Variants in NSMAF observed in about 807,000 individuals in gnomAD.
The protein encoded by NSMAF is protein FAN.
Under a neutral mutation model 134.9 loss-of-function variants are expected in NSMAF, and 90 were observed. That is an observed-to-expected ratio of 0.67 (90% confidence interval 0.56 to 0.79). The LOEUF (loss-of-function observed/expected upper bound fraction) is 0.79, where lower values mean the gene tolerates loss of function less well. Ranked by LOEUF, NSMAF falls within the 30% of genes least tolerant of loss-of-function variation. The pLI, the probability that NSMAF is intolerant of heterozygous loss-of-function variation, is 0.00. For synonymous variants in NSMAF, 358 were observed against 389.6 expected (o/e 0.92, Z 0.96); for missense variants, 1,010 against 1,119.0 (o/e 0.90, Z 1.39).
intron 26 of NSMAF, among the ~76,000 whole-genome samples, chr8:58,588,110 A>G (rs945712431): frequency 2.6e-5 from 4 of 152,224 alleles, no homozygotes; most frequent in African/African-American, 9.6e-5. Context: ...AAATTCTGAA[A>G]AACTCCTGGA....
At chr8:58,649,098 CA>C (rs1807525481) in intron 1 of NSMAF, among the ~76,000 whole-genome samples, 1 of 152,196 alleles carries the variant, frequency 6.6e-6, no homozygotes. Flanking sequence ...CCTTCAAAGC[CA>C]CAGAGGCAGA....
intron 30 of NSMAF, 80 bp downstream of exon 30, chr8:58,585,572 G>T: frequency 1.9e-6 from 2 of 1,056,894 alleles, no homozygotes; most frequent in Non-Finnish European, 2.9e-6. Context: ...CCCAAAAAGA[G>T]TATGTTCCCT....
At chr8:58,635,090 T>C in intron 5 of NSMAF, 99 bp downstream of exon 5, 1 of 895,650 alleles carries the variant, frequency 1.1e-6, no homozygotes, top group Non-Finnish European at 1.8e-6. Flanking sequence ...TGATTTCTAT[T>C]CCATGGTCTT....
At chr8:58,602,703 T>C (rs1806312499) in intron 13 of NSMAF, among the ~76,000 whole-genome samples, 1 of 152,212 alleles carries the variant, frequency 6.6e-6, no homozygotes, top group Admixed American at 6.5e-5. Flanking sequence ...ATTACATTTT[T>C]CTTAAAATAA....
intron 19 of NSMAF, among the ~76,000 whole-genome samples, chr8:58,598,843 T>A (rs1017667799): frequency 7.2e-5 from 2 of 27,786 alleles, no homozygotes; most frequent in African/African-American, 1.4e-4. Flanking sequence ...GCCAACATGG[T>A]GAAACCGTCA....
intron 21 of NSMAF, among the ~76,000 whole-genome samples, chr8:58,596,717 C>G (rs1453081292): frequency 6.6e-6 from 1 of 152,074 alleles, no homozygotes; most frequent in Non-Finnish European, 1.5e-5. Context: ...ATCACGAGGT[C>G]AGGAGATCGA....
intron 1 of NSMAF, among the ~76,000 whole-genome samples, chr8:58,655,823 C>T (rs965714246): frequency 1.1e-4 from 16 of 151,692 alleles, no homozygotes; most frequent in African/African-American, 3.1e-4. Flanking sequence ...AGGAGAATGG[C>T]GTGAACCCGG....
At chr8:58,650,025 G>C (rs1807547950) in intron 1 of NSMAF, among the ~76,000 whole-genome samples, 1 of 152,144 alleles carries the variant, frequency 6.6e-6, no homozygotes, top group Admixed American at 6.6e-5. Context: ...CTAGATCATT[G>C]AAATAATTCT....
rs531464901 is a variant in NSMAF at position 58,594,295 on chromosome 8, T to C, written c.1893-5A>G. The C allele has an allele frequency of 1.2e-6, 2 of 1,613,630 alleles. No homozygotes were observed. Among genetic ancestry groups the C allele is most frequent in the East Asian group, 2.2e-5 (1 of 44,892 alleles). ...ACCGTGATTCCAGTAACTGCTCTGC[T>C]CAAAAACAAAGTTTCACAAATTACT... On this transcript the variant is annotated splice_region_variant and splice_polypyrimidine_tract_variant and intron_variant, in intron 22 of 30. Transcript: ENST00000038176.
chr8:58,630,153 T>C (rs1239335175), intron 6 of NSMAF, among the ~76,000 whole-genome samples: 2 of 152,176 alleles, frequency 1.3e-5, no homozygotes, highest in Non-Finnish European at 2.9e-5. Context: ...GGCTTTGATG[T>C]GGTTAGTTTC....
At chr8:58,631,266 T>G in intron 6 of NSMAF, 2 of 350,912 alleles carry the variant, frequency 5.7e-6, no homozygotes. Context: ...AACCTAATCA[T>G]TTGGGTGTTT....
chr8:58,605,336 A>C (rs1249004300), intron 12 of NSMAF, among the ~76,000 whole-genome samples: 2 of 152,206 alleles, frequency 1.3e-5, no homozygotes, highest in Non-Finnish European at 2.9e-5. Context: ...AATGATCACA[A>C]ACATATGAAT....
At chr8:58,646,752 T>A (rs1585764565) in intron 1 of NSMAF, among the ~76,000 whole-genome samples, 3 of 152,184 alleles carry the variant, frequency 2.0e-5, no homozygotes, top group African/African-American at 7.2e-5. Context: ...AAAAAAAAAA[T>A]TAAAATCACC....
At chr8:58,647,814 C>T (rs1444233706) in intron 1 of NSMAF, among the ~76,000 whole-genome samples, 1 of 152,144 alleles carries the variant, frequency 6.6e-6, no homozygotes, top group Non-Finnish European at 1.5e-5. Flanking sequence ...TTGTAAATTA[C>T]GCAGCCTCAG....
intron 21 of NSMAF, among the ~76,000 whole-genome samples, 183 bp downstream of exon 21, chr8:58,597,204 T>C (rs943221119): frequency 1.3e-5 from 2 of 152,206 alleles, no homozygotes; most frequent in African/African-American, 2.4e-5. Context: ...TTACAGTCTA[T>C]AGCTGAAAAC....
At chr8:58,586,086 G>A (rs1250855964) in intron 28 of NSMAF, 86 bp from the exon 29 acceptor site, 2 of 1,021,574 alleles carry the variant, frequency 2.0e-6, no homozygotes, top group East Asian at 4.8e-5. Context: ...GAGTCCAGTG[G>A]CCTAATCTCC....
chr8:58,588,324 T>G, intron 26 of NSMAF: 1 of 741,164 alleles, frequency 1.3e-6, no homozygotes, highest in Non-Finnish European at 2.3e-6. Flanking sequence ...TCACTTTAAC[T>G]TGACATTTTC....
chr8:58,652,895 A>G (rs550647119), intron 1 of NSMAF, among the ~76,000 whole-genome samples: 1 of 152,242 alleles, frequency 6.6e-6, no homozygotes, highest in Non-Finnish European at 1.5e-5. Context: ...TCTAAAGGAT[A>G]TTCTTCAGGA....
At chr8:58,617,900 T>C (rs988725362) in intron 9 of NSMAF, among the ~76,000 whole-genome samples, 1 of 152,200 alleles carries the variant, frequency 6.6e-6, no homozygotes, top group Non-Finnish European at 1.5e-5. Flanking sequence ...AGCAAAGACT[T>C]GGAACCAACC....
Sources: allele counts gnomAD v4.1 joint callset (sites outside exome capture counted in the v4.1 genomes callset), GRCh38; gene constraint gnomAD v4.1.1; transcripts MANE v1.5; gene names NCBI Gene and HGNC (gene_info 2026-07-23, HGNC 2026-07-21).